FARP1: variants seen among roughly 807,000 people sequenced by gnomAD.
FARP1 encodes FERM, ARHGEF and pleckstrin domain-containing protein 1.
FARP1 carries 52 observed loss-of-function variants against 128.8 expected under a neutral mutation model. The observed-to-expected ratio is 0.40, with a 90% confidence interval of 0.32 to 0.51. The LOEUF (loss-of-function observed/expected upper bound fraction) is 0.51. Among genes scored for constraint, FARP1 ranks in the 20% least tolerant of loss-of-function variants. FARP1 has a pLI of 0.45. For missense variants in FARP1, 1,333 were observed against 1,367.9 expected, an observed-to-expected ratio of 0.97 and a Z score of 0.40; for synonymous variants, 580 against 551.8, an observed-to-expected ratio of 1.05 and a Z score of -0.72.
chr13:98,232,230 T>G (rs892854353), intron 2 of FARP1, among the ~76,000 whole-genome samples: 1 of 144,176 alleles, frequency 6.9e-6, no homozygotes, highest in African/African-American at 2.5e-5. Context: ...TTTACCACCA[T>G]GTAAACTACA....
intron 1 of FARP1, among the ~76,000 whole-genome samples, chr13:98,153,494 TATAA>T (rs1876231328): frequency 7.3e-6 from 1 of 137,452 alleles, no homozygotes; most frequent in Admixed American, 8.0e-5. Flanking sequence ...TAATACATTA[TATAA>T]AAATATGTAT....
chr13:98,395,952 CCATAGAGAGGGGAGTAT>C (rs1482381907), intron 13 of FARP1: 1 of 399,254 alleles, frequency 2.5e-6, no homozygotes, highest in Admixed American at 4.4e-5. Flanking sequence ...ATGGACATGA[CCATAGAGAGGGGAGTAT>C]GGGAGAAGAC....
intron 16 of FARP1, among the ~76,000 whole-genome samples, chr13:98,418,410 G>A (rs978869513): frequency 9.2e-5 from 14 of 152,120 alleles, no homozygotes; most frequent in African/African-American, 3.4e-4. Context: ...CAGTAGCTGG[G>A]ATTACAGGCG....
At chr13:98,206,748 C>A (rs1364790042) in intron 1 of FARP1, among the ~76,000 whole-genome samples, 2 of 152,166 alleles carry the variant, frequency 1.3e-5, no homozygotes, top group African/African-American at 4.8e-5. Context: ...CTTGTTACTT[C>A]TTTGTTGTTA....
chr13:98,439,382 C>T (rs866729137), intron 21 of FARP1, among the ~76,000 whole-genome samples, 186 bp downstream of exon 21: 1 of 152,184 alleles, frequency 6.6e-6, no homozygotes, highest in African/African-American at 2.4e-5. Flanking sequence ...CCTAAAAGCT[C>T]GAGCCTTCTA....
chr13:98,144,495 GT>G (rs1875363929), intron 1 of FARP1, among the ~76,000 whole-genome samples: 1 of 152,078 alleles, frequency 6.6e-6, no homozygotes, highest in South Asian at 2.1e-4. Context: ...TCATTATATT[GT>G]TGTTAAGGCT....
chr13:98,411,844 T>C (rs1312609653), intron 15 of FARP1, 57 bp from the exon 16 acceptor site: 17 of 1,588,254 alleles, frequency 1.1e-5, no homozygotes, highest in Admixed American at 1.8e-5. Flanking sequence ...TGGAGAAAAC[T>C]GCAGACACTC....
chr13:98,172,968 G>T (rs1439486066), intron 1 of FARP1, among the ~76,000 whole-genome samples: 1 of 152,164 alleles, frequency 6.6e-6, no homozygotes, highest in Non-Finnish European at 1.5e-5. Context: ...TTGTAGTGTG[G>T]TATAATCACA....
chr13:98,390,002 T>A lies in FARP1; in HGVS notation c.901T>A (p.Phe301Ile). 1.2e-6 allele frequency: 2 copies of A among 1,614,232 alleles called. No individual in the cohort carries two copies. Among genetic ancestry groups the A allele is most frequent in the Non-Finnish European group, 1.7e-6 (2 of 1,180,042 alleles). ...TLEFLMASRD[F>I]CKSFWKICVE... ...GGAATTCCTGATGGCCAGTCGGGAT[T>A]TCTGCAAGTCCTTCTGGAAAATCTG... Residue 301 changes from phenylalanine (F) to isoleucine (I), a missense_variant, in exon 10 of 27, where the codon TTC becomes ATC. This residue lies in a region of FARP1 where 324 missense variants were observed against 398.1 expected (regional missense o/e 0.81). Transcript: ENST00000319562.
At chr13:98,283,430 C>A (rs1885025233) in intron 2 of FARP1, among the ~76,000 whole-genome samples, 1 of 152,190 alleles carries the variant, frequency 6.6e-6, no homozygotes, top group African/African-American at 2.4e-5. Flanking sequence ...TCCCCAGAAG[C>A]CTAAGGATGC....
chr13:98,398,356 T>A (rs1196499378), intron 13 of FARP1: 1 of 152,254 alleles, frequency 6.6e-6, no homozygotes, highest in Non-Finnish European at 1.5e-5. Flanking sequence ...ACAGAATTTT[T>A]AAACTGGAAG....
intron 6 of FARP1, among the ~76,000 whole-genome samples, chr13:98,381,344 T>C (rs1889880941): frequency 1.3e-5 from 2 of 152,226 alleles, no homozygotes; most frequent in Non-Finnish European, 2.9e-5. Context: ...TTACCCCTAA[T>C]GGAAAATTAT....
rs148663641 is a variant in FARP1, at chr13:98,349,203, G to A, written c.276+5337G>A. On this transcript the variant is annotated intron_variant, in intron 3 of 26. Coordinates refer to ENST00000319562, the MANE Select transcript of FARP1 (RefSeq NM_005766.4). ...TTCCTTGATTTTGCACTTCATCTGA[G>A]AAATGAGAGGAATAAATGACCATTT... Among the ~76,000 whole-genome samples the A allele has an allele frequency of 7.2e-3, 1,102 of 152,298 alleles. 4 individuals are homozygous for A. The highest frequency in any genetic ancestry group is 0.014 in the Middle Eastern group (4 of 294).
intron 13 of FARP1, chr13:98,396,278 C>T (rs1179947881): frequency 1.3e-5 from 5 of 399,084 alleles, no homozygotes; most frequent in African/African-American, 6.2e-5. Context: ...CAGCTGGCAC[C>T]CCTGCAAGTG....
intron 2 of FARP1, among the ~76,000 whole-genome samples, chr13:98,320,716 C>A (rs1886953096): frequency 6.6e-6 from 1 of 152,208 alleles, no homozygotes; most frequent in African/African-American, 2.4e-5. Context: ...GTATCTTCAA[C>A]AGTGATCTTC....
intron 3 of FARP1, among the ~76,000 whole-genome samples, chr13:98,356,704 T>C (rs1004572731): frequency 5.3e-5 from 8 of 152,134 alleles, no homozygotes. Context: ...AGTGGCACAA[T>C]CTCAGCTCAC....
chr13:98,313,338 A>ACACACC (rs1193813441), intron 2 of FARP1, among the ~76,000 whole-genome samples: 15 of 150,774 alleles, frequency 9.9e-5, no homozygotes, highest in Non-Finnish European at 2.1e-4. Context: ...ACACACACAC[A>ACACACC]CCTGCACAAA....
intron 2 of FARP1, among the ~76,000 whole-genome samples, chr13:98,245,894 G>T (rs1351757416): frequency 6.7e-6 from 1 of 150,072 alleles, no homozygotes; most frequent in African/African-American, 2.5e-5. Flanking sequence ...TCAGCCTCCC[G>T]GGTAGCTGGG....
chr13:98,232,144 G>GTTTTTTTTTTTTTTTTTTTTTTT lies in FARP1; in HGVS notation c.171+18731_171+18732insTTTTTTTTTTTTTTTTTTTTTTT, dbSNP rs1555329634. Among the ~76,000 whole-genome samples, 103 of 111,608 alleles carry GTTTTTTTTTTTTTTTTTTTTTTT rather than the reference G, an allele frequency of 9.2e-4. 4 individuals are homozygous for GTTTTTTTTTTTTTTTTTTTTTTT. Among genetic ancestry groups the GTTTTTTTTTTTTTTTTTTTTTTT allele is most frequent in the Non-Finnish European group, 1.1e-3 (64 of 59,210 alleles). 73.2% of individuals were successfully genotyped at this position (111,608 alleles called of 152,430 possible). On this transcript the variant is annotated intron_variant, in intron 2 of 26. Coordinates refer to ENST00000319562, the MANE Select transcript of FARP1 (RefSeq NM_005766.4). ...CGTGCCCGGCTTTTTTTGTTTGGTT[G>GTTTTTTTTTTTTTTTTTTTTTTT]GTTTTTTTTTTTTTTTTTTTTTGCT... is the stretch of plus-strand genomic sequence containing the variant.
Sources: allele counts gnomAD v4.1 joint callset (sites outside exome capture counted in the v4.1 genomes callset), GRCh38; gene constraint gnomAD v4.1.1; regional missense constraint gnomAD v4.1.1; transcripts MANE v1.5; gene names NCBI Gene and HGNC (gene_info 2026-07-23, HGNC 2026-07-21).